CAMK1D: variants seen among roughly 807,000 people sequenced by gnomAD.
CAMK1D encodes calcium/calmodulin-dependent protein kinase type 1D.
In CAMK1D, 9 loss-of-function variants were observed where a neutral mutation model predicts 47.7. The observed-to-expected ratio is 0.19, with a 90% CI of 0.11 to 0.33. The LOEUF is 0.33. CAMK1D is among the 10% of genes least tolerant of loss of function. The pLI is 1.00. For synonymous variants in CAMK1D, 184 were observed against 184.9 expected (o/e 0.99, Z 0.04); for missense variants, 291 against 488.7 (o/e 0.60, Z 3.81).
intron 2 of CAMK1D, among the ~76,000 whole-genome samples, chr10:12,607,727 G>A (rs369421613): frequency 2.6e-5 from 4 of 151,982 alleles, no homozygotes; most frequent in Non-Finnish European, 4.4e-5. Context: ...CTGGGAGGCC[G>A]CAGTGGGAGG....
At position 12,650,402 on chromosome 10, in the gene CAMK1D, G is replaced by T. The variant is rs999018084; in HGVS notation, c.225-16334G>T. ...GGTCGTGCTGTGTCATGATGTTTAC[G>T]TACACTTCTGTCTTCTCACACTGGC... On this transcript the variant is annotated intron_variant, in intron 2 of 10. Transcript: ENST00000619168. 3.9e-5 allele frequency among the ~76,000 whole-genome samples: 6 copies of T among 152,218 alleles called. No individual in the cohort carries two copies. The East Asian group carries it at 1.2e-3, about 29-fold the overall frequency.
chr10:12,642,097 T>G (rs76270869), intron 2 of CAMK1D, among the ~76,000 whole-genome samples: 2,878 of 151,794 alleles, frequency 0.019, 81 homozygotes, highest in African/African-American at 0.066. Context: ...CTTTTTTACC[T>G]GCTAATTAGA....
chr10:12,736,356 G>T (rs913182811), intron 3 of CAMK1D, among the ~76,000 whole-genome samples: 5 of 152,172 alleles, frequency 3.3e-5, no homozygotes, highest in Non-Finnish European at 7.3e-5. Flanking sequence ...TGCCCCAGAG[G>T]CTCAGGTCTC....
At chr10:12,488,948 T>A (rs1321143969) in intron 1 of CAMK1D, among the ~76,000 whole-genome samples, 1 of 152,130 alleles carries the variant, frequency 6.6e-6, no homozygotes, top group Non-Finnish European at 1.5e-5. Context: ...TATGTATTTA[T>A]TTTTTGACAT....
chr10:12,428,664 A>G (rs1198965461), intron 1 of CAMK1D, among the ~76,000 whole-genome samples: 1 of 152,142 alleles, frequency 6.6e-6, no homozygotes, highest in East Asian at 1.9e-4. Flanking sequence ...GCTGGCTCCC[A>G]CTGCCCTTAG....
At chr10:12,750,742 C>T (rs79576858) in intron 3 of CAMK1D, among the ~76,000 whole-genome samples, 4,495 of 151,516 alleles carry the variant, frequency 0.03, 140 homozygotes, top group African/African-American at 0.075. Context: ...ATTGTCTCAG[C>T]GGCCAGTCAG....
chr10:12,671,248 T>C (rs1840607898), intron 3 of CAMK1D, among the ~76,000 whole-genome samples: 1 of 152,236 alleles, frequency 6.6e-6, no homozygotes, highest in Non-Finnish European at 1.5e-5. Flanking sequence ...ATATGAATAA[T>C]GATGCAGGCA....
At chr10:12,503,029 T>C (rs1343541003) in intron 1 of CAMK1D, among the ~76,000 whole-genome samples, 1 of 151,438 alleles carries the variant, frequency 6.6e-6, no homozygotes, top group Non-Finnish European at 1.5e-5. Context: ...TATATGCATG[T>C]GTGTGTGTGT....
intron 3 of CAMK1D, among the ~76,000 whole-genome samples, chr10:12,689,788 AG>A (rs969706451): frequency 2.7e-5 from 4 of 150,022 alleles, no homozygotes; most frequent in African/African-American, 7.4e-5. Flanking sequence ...AAAAAAAAAA[AG>A]AAATGGTTTG....
intron 1 of CAMK1D, among the ~76,000 whole-genome samples, chr10:12,385,743 T>A (rs12782181): frequency 2.1e-5 from 3 of 142,970 alleles, no homozygotes; most frequent in African/African-American, 7.6e-5. Flanking sequence ...ATTGTACTTT[T>A]TTTTTTTTTT....
At chr10:12,721,347 C>G (rs1453475938) in intron 3 of CAMK1D, among the ~76,000 whole-genome samples, 1 of 152,216 alleles carries the variant, frequency 6.6e-6, no homozygotes, top group Non-Finnish European at 1.5e-5. Flanking sequence ...AAAACACCTT[C>G]TGGAACTCCA....
At chr10:12,782,987 T>G (rs2493771) in intron 5 of CAMK1D, among the ~76,000 whole-genome samples, 141,628 of 147,696 alleles carry the variant, frequency 0.96, 68,033 homozygotes, top group East Asian at 1. Flanking sequence ...TTCAGTTTTT[T>G]TTTTTTTTGT....
At chr10:12,694,689 A>T (rs1284593693) in intron 3 of CAMK1D, among the ~76,000 whole-genome samples, 1 of 149,670 alleles carries the variant, frequency 6.7e-6, no homozygotes, top group Admixed American at 6.8e-5. Context: ...AAAGACTCCT[A>T]AACTGCCATA....
chr10:12,794,421 T>C (rs369068877), intron 6 of CAMK1D, among the ~76,000 whole-genome samples: 2 of 152,128 alleles, frequency 1.3e-5, no homozygotes, highest in Admixed American at 6.6e-5. Context: ...CACTGAGTAG[T>C]GTATGCACGT....
chr10:12,616,591 C>T (rs1003804318), intron 2 of CAMK1D, among the ~76,000 whole-genome samples: 4 of 150,234 alleles, frequency 2.7e-5, no homozygotes, highest in African/African-American at 7.3e-5. Context: ...GATCTCGGCT[C>T]ACTGCAAGCT....
intron 1 of CAMK1D, among the ~76,000 whole-genome samples, chr10:12,464,963 G>A (rs1180402779): frequency 1.3e-5 from 2 of 152,116 alleles, no homozygotes; most frequent in South Asian, 2.1e-4. Flanking sequence ...TTCCTGAGAC[G>A]TTCTGGATAT....
At chr10:12,696,961 C>T (rs1833322128) in intron 3 of CAMK1D, among the ~76,000 whole-genome samples, 1 of 152,186 alleles carries the variant, frequency 6.6e-6, no homozygotes, top group South Asian at 2.1e-4. Context: ...CAGAGGGTTC[C>T]CAGCTAAGCA....
chr10:12,831,984 A>C lies in CAMK1D; in HGVS notation c.*3097A>C, dbSNP rs1833426400. The C allele has an allele frequency of 6.6e-6, 1 of 152,226 alleles. No homozygotes were observed. Among genetic ancestry groups the C allele is most frequent in the Non-Finnish European group, 1.5e-5 (1 of 68,062 alleles). The allele number at this position is 152,226 out of a possible 1,614,324, so 9.4% of individuals were successfully genotyped here. A position where few individuals can be genotyped will look rare whatever the true frequency, so the allele number is the denominator to read the frequency against. On this transcript the variant is annotated 3_prime_UTR_variant, in exon 11 of 11. Coordinates refer to ENST00000619168, the MANE Select transcript of CAMK1D (RefSeq NM_153498.4). ...CCACCTGTAGAGGCTGAGCATTTCT[A>C]CATGCACCCAGGGTGCTGGGCTGAG...
intron 3 of CAMK1D, among the ~76,000 whole-genome samples, chr10:12,707,318 G>C (rs1318647701): frequency 6.6e-6 from 1 of 152,158 alleles, no homozygotes; most frequent in African/African-American, 2.4e-5. Context: ...ATGTGTTTTT[G>C]TTTTGAATAT....
Sources: gnomAD v4.1 joint callset for allele counts (sites outside exome capture counted in the v4.1 genomes callset) on GRCh38, gnomAD v4.1.1 for gene constraint, MANE v1.5 for transcripts, NCBI Gene and HGNC (gene_info 2026-07-23, HGNC 2026-07-21) for gene names.